The following PRLR variants were observed in gnomAD, a reference collection of about 807,000 sequenced individuals.
PRLR encodes hPRL receptor.
Under a neutral mutation model 40.2 loss-of-function variants are expected in PRLR, and 13 were observed. The observed-to-expected ratio is 0.32, with a 90% CI of 0.21 to 0.51. The LOEUF (loss-of-function observed/expected upper bound fraction) is 0.51, where lower values mean the gene tolerates loss of function less well. Ranked by LOEUF, PRLR falls within the 20% of genes least tolerant of loss-of-function variation. The pLI, the probability that PRLR is intolerant of heterozygous loss-of-function variation, is 0.97. For missense variants in PRLR, 656 were observed against 747.3 expected (o/e 0.88, Z 1.42); for synonymous variants, 269 against 278.7 (o/e 0.97, Z 0.35).
chr5:35,077,147 A>AAAT lies in PRLR; in HGVS notation c.374-4406_374-4404dup, dbSNP rs561223651. Among the ~76,000 whole-genome samples, 37 of 152,352 alleles carry AAAT rather than the reference A, an allele frequency of 2.4e-4. No individual in the cohort carries two copies. The South Asian group carries it at 7.5e-3, about 31-fold the overall frequency. ...AAGAAACTGCATCAACTAATGAGCA[A>AAAT]AATAACCAGCTAATATCATAATGAC... On this transcript the variant is annotated intron_variant, in intron 5 of 9. Transcript: ENST00000618457.
intron 5 of PRLR, among the ~76,000 whole-genome samples, chr5:35,075,894 T>C (rs1427501935): frequency 6.6e-6 from 1 of 152,248 alleles, no homozygotes; most frequent in South Asian, 2.1e-4. Flanking sequence ...TTTGCTGTTC[T>C]GCAGCCTCTG....
intron 1 of PRLR, among the ~76,000 whole-genome samples, chr5:35,128,576 G>A (rs889167457): frequency 1.3e-4 from 20 of 151,582 alleles, no homozygotes; most frequent in African/African-American, 3.9e-4. Flanking sequence ...TAAAACTTGC[G>A]AATACAAAGG....
At position 35,087,422 on chromosome 5, in the gene PRLR, TTG is replaced by T. The variant is rs10691744; in HGVS notation, c.71-1084_71-1083del. 7.7e-3 allele frequency among the ~76,000 whole-genome samples: 1,081 copies of T among 140,182 alleles called. 1 individual carries two copies. Among genetic ancestry groups the T allele is most frequent in the South Asian group, 0.013 (55 of 4,206 alleles). 92.0% of individuals were successfully genotyped at this position (140,182 alleles called of 152,430 possible). A position where few individuals can be genotyped will look rare whatever the true frequency, so the allele number is the denominator to read the frequency against. The stretch of plus-strand genomic sequence containing the variant: ...TCTCTTAGATTTTCCTCTCTTTCCT[TTG>T]TGTGTGTGTGTGTGTGTGTGTGTGT... On this transcript the variant is annotated intron_variant, in intron 3 of 9. Transcript: ENST00000618457.
rs926496114 is a variant in PRLR, at chr5:35,134,531, A to G, written c.-105-16409T>C. 1.1e-4 allele frequency among the ~76,000 whole-genome samples: 16 copies of G among 152,250 alleles called. 1 individual carries two copies. The highest frequency in any genetic ancestry group is 2.4e-4 in the African/African-American group (10 of 41,462). On this transcript the variant is annotated intron_variant, in intron 1 of 9. Coordinates refer to ENST00000618457, the MANE Select transcript of PRLR (RefSeq NM_000949.7). ...AACTAACAACCACTCATCAGTGGAT[A>G]AAAACATTGCTTGACTACACGATGC... is the stretch of plus-strand genomic sequence containing the variant.
downstream of PRLR, among the ~76,000 whole-genome samples, chr5:35,052,337 G>A (rs1232159840): frequency 1.3e-5 from 2 of 152,116 alleles, no homozygotes; most frequent in African/African-American, 4.8e-5. Flanking sequence ...AATTAACAGA[G>A]AAAAGCCATG....
chr5:35,109,403 A>G (rs1353390995), intron 2 of PRLR, among the ~76,000 whole-genome samples: 1 of 152,222 alleles, frequency 6.6e-6, no homozygotes, highest in Non-Finnish European at 1.5e-5. Context: ...TGCCCAGCAA[A>G]AGAAATCACC....
intron 1 of PRLR, among the ~76,000 whole-genome samples, chr5:35,203,269 C>G (rs1304767859): frequency 6.6e-6 from 1 of 152,290 alleles, no homozygotes; most frequent in East Asian, 1.9e-4. Context: ...TGCCATAGAA[C>G]TTAGGATCTT....
At chr5:35,128,925 C>T (rs1773559856) in intron 1 of PRLR, among the ~76,000 whole-genome samples, 1 of 152,176 alleles carries the variant, frequency 6.6e-6, no homozygotes, top group African/African-American at 2.4e-5. Context: ...CCATCTCTGC[C>T]TCCTTCCCCG....
chr5:35,176,098 C>T (rs1775140576), intron 1 of PRLR, among the ~76,000 whole-genome samples: 1 of 152,082 alleles, frequency 6.6e-6, no homozygotes, highest in South Asian at 2.1e-4. Context: ...GTTTATCTGC[C>T]TGAGTGATTT....
chr5:35,166,657 A>T (rs112485567), intron 1 of PRLR, among the ~76,000 whole-genome samples: 1 of 152,166 alleles, frequency 6.6e-6, no homozygotes, highest in African/African-American at 2.4e-5. Context: ...ATAGGAGAAG[A>T]AGCTCTGATA....
Position 35,070,170 on chromosome 5 carries a change from T to A in PRLR, c.639A>T (p.Gly213=). 1 of 1,614,138 alleles carries A rather than the reference T, an allele frequency of 6.2e-7. No homozygotes were observed. Among genetic ancestry groups the A allele is most frequent in the Non-Finnish European group, 8.5e-7 (1 of 1,180,004 alleles). The stretch of plus-strand genomic sequence containing the variant: ...TCGCTGGACTCCATGCACTCCAGTA[T>A]CCATGGTCTGGTTTGCAGCGAACCT... The part of the protein sequence containing the change: ...LVQVRCKPDH[G]YWSAWSPATF... The change falls in exon 7 of 10, where the codon GGA becomes GGT. Residue 213 remains glycine (G), a synonymous_variant. Coordinates refer to ENST00000618457, the MANE Select transcript of PRLR (RefSeq NM_000949.7).
intron 2 of PRLR, among the ~76,000 whole-genome samples, chr5:35,117,234 A>G (rs1579688718): frequency 6.6e-6 from 1 of 152,208 alleles, no homozygotes; most frequent in Non-Finnish European, 1.5e-5. Flanking sequence ...TCAAGGGGCT[A>G]TCATGTTTCA....
At chr5:35,219,529 G>A (rs542269585) in intron 1 of PRLR, among the ~76,000 whole-genome samples, 40 of 152,298 alleles carry the variant, frequency 2.6e-4, no homozygotes, top group African/African-American at 9.4e-4. Flanking sequence ...CACTTATATG[G>A]AGAAACTGAT....
intron 1 of PRLR, among the ~76,000 whole-genome samples, chr5:35,163,213 C>A (rs1774727294): frequency 6.6e-6 from 1 of 152,068 alleles, no homozygotes; most frequent in Non-Finnish European, 1.5e-5. Flanking sequence ...CCCATTTTTG[C>A]CCAATAAATT....
intron 1 of PRLR, among the ~76,000 whole-genome samples, chr5:35,141,003 T>G (rs1774007856): frequency 6.6e-6 from 1 of 152,190 alleles, no homozygotes; most frequent in Non-Finnish European, 1.5e-5. Flanking sequence ...TAAATTCCAC[T>G]AAGAACTTCT....
chr5:35,100,543 C>T (rs1223651967), intron 2 of PRLR, among the ~76,000 whole-genome samples: 5 of 152,084 alleles, frequency 3.3e-5, no homozygotes, highest in Non-Finnish European at 7.3e-5. Flanking sequence ...ATGTAGTATT[C>T]GGTAAAGTAA....
intron 1 of PRLR, among the ~76,000 whole-genome samples, chr5:35,137,634 T>C (rs1415973727): frequency 6.6e-6 from 1 of 152,244 alleles, no homozygotes; most frequent in Non-Finnish European, 1.5e-5. Flanking sequence ...CATGAAAGGT[T>C]ATTCTCTGAT....
chr5:35,074,943 T>C (rs1457573675), intron 5 of PRLR, among the ~76,000 whole-genome samples: 1 of 152,106 alleles, frequency 6.6e-6, no homozygotes. Flanking sequence ...TTTTCTCCAT[T>C]CATTTATCAC....
chr5:35,122,920 G>A (rs1240630951), intron 1 of PRLR, among the ~76,000 whole-genome samples: 1 of 152,144 alleles, frequency 6.6e-6, no homozygotes, highest in African/African-American at 2.4e-5. Flanking sequence ...GGAGACAGAG[G>A]GAGCAAGATA....
Sources: allele counts gnomAD v4.1 joint callset (sites outside exome capture counted in the v4.1 genomes callset), GRCh38; gene constraint gnomAD v4.1.1; transcripts MANE v1.5; gene names NCBI Gene and HGNC (gene_info 2026-07-23, HGNC 2026-07-21).